The following C1D variants were observed in gnomAD, a reference collection of about 807,000 sequenced individuals.
The protein encoded by C1D is nuclear nucleic acid-binding protein C1D.
A neutral mutation model predicts 17.5 loss-of-function variants in C1D; 10 were observed. The ratio of observed to expected loss-of-function variants is 0.57; its 90% CI spans 0.35 to 0.97. The LOEUF (loss-of-function observed/expected upper bound fraction) is 0.97, where lower values mean the gene tolerates loss of function less well. Among genes scored for constraint, C1D ranks in the 50% least tolerant of loss-of-function variants. C1D has a pLI of 0.01. For synonymous variants in C1D, 49 were observed against 54.0 expected (o/e 0.91, Z 0.40); for missense variants, 136 against 160.1 (o/e 0.85, Z 0.81).
intron 1 of C1D, among the ~76,000 whole-genome samples, chr2:68,061,950 CAATG>C (rs1347147621): frequency 6.6e-6 from 1 of 152,220 alleles, no homozygotes; most frequent in Non-Finnish European, 1.5e-5. Context: ...TTCAACAAAA[CAATG>C]AGTTCTATCA....
chr2:68,060,351 C>T (rs560460833), intron 1 of C1D, among the ~76,000 whole-genome samples: 1 of 152,132 alleles, frequency 6.6e-6, no homozygotes, highest in African/African-American at 2.4e-5. Flanking sequence ...TCTATTAAAA[C>T]GTGAGTCAGG....
chr2:68,058,484 A>G (rs557633684), intron 1 of C1D, among the ~76,000 whole-genome samples: 3 of 152,358 alleles, frequency 2.0e-5, no homozygotes, highest in South Asian at 2.1e-4. Flanking sequence ...GTGCGGGCAG[A>G]GAGAGTTCTC....
intron 1 of C1D, chr2:68,053,156 A>G (rs1671337476): frequency 6.4e-7 from 1 of 1,550,524 alleles, no homozygotes; most frequent in African/African-American, 1.4e-5. Context: ...GTAGAGACAG[A>G]CGGAGAGGGC....
chr2:68,059,581 ATATC>A (rs770977940), intron 1 of C1D, among the ~76,000 whole-genome samples: 1 of 152,150 alleles, frequency 6.6e-6, no homozygotes, highest in Non-Finnish European at 1.5e-5. Context: ...ACATTATCAC[ATATC>A]TATCAATAAC....
chr2:68,050,246 G>A (rs1671241707), intron 1 of C1D, among the ~76,000 whole-genome samples: 1 of 151,754 alleles, frequency 6.6e-6, no homozygotes, highest in Non-Finnish European at 1.5e-5. Context: ...CTGTCCGTCT[G>A]CTGGACTATT....
chr2:68,058,217 T>G (rs1305308502), intron 1 of C1D, among the ~76,000 whole-genome samples: 3 of 152,354 alleles, frequency 2.0e-5, no homozygotes, highest in South Asian at 2.1e-4. Flanking sequence ...GATATTTAAT[T>G]AGCCTCCATG....
intron 1 of C1D, among the ~76,000 whole-genome samples, chr2:68,051,697 C>T (rs550899222): frequency 6.6e-6 from 1 of 152,102 alleles, no homozygotes; most frequent in East Asian, 1.9e-4. Flanking sequence ...TCTCTCCTTC[C>T]TAGAATACTC....
intron 1 of C1D, among the ~76,000 whole-genome samples, chr2:68,052,801 A>G (rs1342465059): frequency 6.6e-6 from 1 of 152,194 alleles, no homozygotes; most frequent in Non-Finnish European, 1.5e-5. Flanking sequence ...GCAGCTGCTG[A>G]GTATTTATTC....
rs967618209 is a variant in C1D at position 68,041,834 on chromosome 2, T to A, written c.*1055A>T. The A allele has an allele frequency of 4.6e-5, 7 of 152,036 alleles. No homozygotes were observed. The highest frequency in any genetic ancestry group is 1.7e-4 in the African/African-American group (7 of 41,452). The allele number at this position is 152,036 out of a possible 1,614,324, so 9.4% of individuals were successfully genotyped here. ...GATATGGATTCAAACACTGAAAGCA[T>A]TAAGGGCATATAATTAAAATTCATG... is the stretch of plus-strand genomic sequence containing the variant. On this transcript the variant is annotated 3_prime_UTR_variant, in exon 5 of 5. Transcript: ENST00000410067.
At chr2:68,052,165 T>C (rs1225450941) in intron 1 of C1D, among the ~76,000 whole-genome samples, 1 of 152,052 alleles carries the variant, frequency 6.6e-6, no homozygotes, top group Non-Finnish European at 1.5e-5. Flanking sequence ...CAGAGAACAT[T>C]GTATATAACA....
chr2:68,053,751 G>C (rs1350482726), intron 1 of C1D, among the ~76,000 whole-genome samples: 1 of 152,084 alleles, frequency 6.6e-6, no homozygotes, highest in Non-Finnish European at 1.5e-5. Flanking sequence ...TCCAATCCTA[G>C]AGCTGTGGCC....
intron 1 of C1D, among the ~76,000 whole-genome samples, chr2:68,049,147 A>G (rs928508382): frequency 1.3e-5 from 2 of 151,904 alleles, no homozygotes; most frequent in African/African-American, 2.4e-5. Flanking sequence ...CAGTGAGCCA[A>G]GATTGTGCCA....
intron 1 of C1D, among the ~76,000 whole-genome samples, chr2:68,061,087 T>G (rs1289207536): frequency 6.6e-6 from 1 of 152,236 alleles, no homozygotes; most frequent in African/African-American, 2.4e-5. Flanking sequence ...TACACAGTTA[T>G]GAACTAAGCC....
At chr2:68,048,131 A>G (rs1335551743) in intron 1 of C1D, among the ~76,000 whole-genome samples, 1 of 152,172 alleles carries the variant, frequency 6.6e-6, no homozygotes, top group Non-Finnish European at 1.5e-5. Context: ...AACTTGGGGG[A>G]AATAAACAAT....
chr2:68,042,896 T>C lies in C1D; in HGVS notation c.419A>G (p.Lys140Arg), dbSNP rs766369416. 6.5e-6 allele frequency: 10 copies of C among 1,537,392 alleles called. No individual in the cohort carries two copies. In the African/African-American group the frequency reaches 6.9e-5, roughly 11 times the overall value. ...ASKVANKGKS[K>R]S The stretch of plus-strand genomic sequence containing the variant: ...TACATCAAAACCAAAAAGTTAACTT[T>C]TACTTTTTCCTTTATTGGCAACTTT... Residue 140 changes from lysine to arginine, a missense_variant, in exon 5 of 5, where the codon AAA (lysine) becomes AGA (arginine). Transcript: ENST00000410067.
intron 1 of C1D, among the ~76,000 whole-genome samples, chr2:68,061,694 G>A (rs890920453): frequency 6.6e-6 from 1 of 152,172 alleles, no homozygotes; most frequent in Admixed American, 6.6e-5. Context: ...TTTACTAAAA[G>A]TGAAAATTAC....
intron 1 of C1D, among the ~76,000 whole-genome samples, chr2:68,048,250 A>G (rs1256118128): frequency 6.6e-6 from 1 of 152,224 alleles, no homozygotes. Context: ...AGCAATTCCA[A>G]GCCATAGGTA....
At chr2:68,052,533 T>C (rs1299120954) in intron 1 of C1D, among the ~76,000 whole-genome samples, 3 of 152,192 alleles carry the variant, frequency 2.0e-5, no homozygotes, top group Non-Finnish European at 2.9e-5. Context: ...CAGAAGAACA[T>C]AGTAGAGATT....
rs140860024 is a variant in C1D at position 68,052,516 on chromosome 2, C to T, written c.-9-5197G>A. On this transcript the variant is annotated intron_variant, in intron 1 of 4. Coordinates refer to ENST00000410067, the MANE Select transcript of C1D (RefSeq NM_173177.3). ...AAATTTTCCTACGAGAAAATATTTCCTTTCTTCAGAAGAACATAGTAGAGA... is the reference window on the plus strand; with the variant it reads ...AAATTTTCCTACGAGAAAATATTTCTTTTCTTCAGAAGAACATAGTAGAGA... Among the ~76,000 whole-genome samples the T allele has an allele frequency of 8.9e-3, 1,358 of 152,134 alleles. 13 individuals carry two copies. Among genetic ancestry groups the T allele is most frequent in the African/African-American group, 0.031 (1,293 of 41,500 alleles).
Sources: gnomAD v4.1 joint callset for allele counts (sites outside exome capture counted in the v4.1 genomes callset) on GRCh38, gnomAD v4.1.1 for gene constraint, MANE v1.5 for transcripts, NCBI Gene and HGNC (gene_info 2026-07-23, HGNC 2026-07-21) for gene names.